Variants in FNDC3A observed in about 807,000 individuals in gnomAD.
FNDC3A encodes fibronectin type-III domain-containing protein 3A.
FNDC3A carries 32 observed loss-of-function variants against 148.9 expected under a neutral mutation model. That is an observed-to-expected ratio of 0.21 (90% confidence interval 0.16 to 0.29). The LOEUF is 0.29. FNDC3A is among the 10% of genes least tolerant of loss of function. The pLI is 1.00. For missense variants in FNDC3A, 1,191 were observed against 1,452.8 expected (o/e 0.82, Z 2.93); for synonymous variants, 472 against 473.6 (o/e 1.00, Z 0.04).
At chr13:48,992,348 A>G (rs930016914) in intron 1 of FNDC3A, among the ~76,000 whole-genome samples, 2 of 152,216 alleles carry the variant, frequency 1.3e-5, no homozygotes, top group African/African-American at 4.8e-5. Flanking sequence ...AAGAGAATAT[A>G]AAAACAAGCC....
intron 4 of FNDC3A, among the ~76,000 whole-genome samples, chr13:49,130,596 C>G (rs565694828): frequency 2.7e-4 from 41 of 152,238 alleles, no homozygotes; most frequent in Admixed American, 1.6e-3. Context: ...TTAGGTTACT[C>G]TTTAGCTTGT....
intron 2 of FNDC3A, among the ~76,000 whole-genome samples, chr13:49,064,804 T>G (rs559179325): frequency 1.3e-5 from 2 of 152,156 alleles, no homozygotes; most frequent in Non-Finnish European, 2.9e-5. Flanking sequence ...ACTGACTAGA[T>G]GACCACATAA....
intron 2 of FNDC3A, among the ~76,000 whole-genome samples, chr13:49,055,435 TAC>T (rs1566218175): frequency 4.6e-5 from 7 of 152,024 alleles, no homozygotes; most frequent in African/African-American, 1.7e-4. Flanking sequence ...GGGAGGGTAA[TAC>T]ATGCCTTATA....
At chr13:49,142,979 G>A (rs1418995845) in intron 7 of FNDC3A, among the ~76,000 whole-genome samples, 1 of 151,966 alleles carries the variant, frequency 6.6e-6, no homozygotes, top group African/African-American at 2.4e-5. Context: ...GTGATTCTTG[G>A]GTCTCAGTCT....
chr13:49,082,254 C>T (rs534225450), intron 3 of FNDC3A, among the ~76,000 whole-genome samples: 8 of 151,964 alleles, frequency 5.3e-5, no homozygotes, highest in East Asian at 1.9e-4. Flanking sequence ...GATGTGGTGG[C>T]GCAAACCTGT....
At chr13:48,989,790 T>C (rs1951877126) in intron 1 of FNDC3A, among the ~76,000 whole-genome samples, 1 of 152,084 alleles carries the variant, frequency 6.6e-6, no homozygotes, top group South Asian at 2.1e-4. Flanking sequence ...TCTCGCTCTT[T>C]TGCCAGGCTA....
At chr13:49,171,969 T>C in intron 10 of FNDC3A, 74 bp from the exon 11 acceptor site, 2 of 1,019,622 alleles carry the variant, frequency 2.0e-6, no homozygotes. Context: ...ACTAGATCCT[T>C]ATATTAGATC....
intron 9 of FNDC3A, 75 bp downstream of exon 9, chr13:49,167,378 A>C: frequency 1.2e-6 from 1 of 808,646 alleles, no homozygotes; most frequent in East Asian, 2.9e-5. Context: ...ATTTTCTTAA[A>C]AATCTAGTAT....
At chr13:48,978,384 C>A (rs1354499902) in intron 1 of FNDC3A, among the ~76,000 whole-genome samples, 2 of 152,078 alleles carry the variant, frequency 1.3e-5, no homozygotes, top group Non-Finnish European at 2.9e-5. Context: ...TATACTTTAT[C>A]AATTTTTAGT....
In FNDC3A at chr13:49,188,647, G is replaced by A. The variant is rs201374809; in HGVS notation, c.1944+14G>A. The A allele has an allele frequency of 8.4e-6, 13 of 1,540,106 alleles. No homozygotes were observed. In the African/African-American group the frequency reaches 1.6e-4, roughly 19 times the overall value. On this transcript the variant is annotated intron_variant, in intron 17 of 25. Coordinates refer to ENST00000492622, the MANE Select transcript of FNDC3A (RefSeq NM_001079673.2). ...GGACAGAGTGCGGTAATACTTATATGTAGATTCTTTTGTGTTGTTATTAAG... is the reference window on the plus strand; with the variant it reads ...GGACAGAGTGCGGTAATACTTATATATAGATTCTTTTGTGTTGTTATTAAG...
At chr13:49,177,461 T>A (rs2138069234) in intron 13 of FNDC3A, among the ~76,000 whole-genome samples, 1 of 152,286 alleles carries the variant, frequency 6.6e-6, no homozygotes, top group South Asian at 2.1e-4. Context: ...TAAATCTATA[T>A]ATAGTTCATA....
chr13:49,175,228 C>G (rs1781150613), intron 12 of FNDC3A, 139 bp from the exon 13 acceptor site: 1 of 529,754 alleles, frequency 1.9e-6, no homozygotes, highest in South Asian at 3.6e-5. Flanking sequence ...ATAAAGAGAT[C>G]AAACCCAAGA....
chr13:49,173,300 T>TTCCGGAAA (rs1234251261), intron 11 of FNDC3A, among the ~76,000 whole-genome samples: 1 of 152,252 alleles, frequency 6.6e-6, no homozygotes, highest in African/African-American at 2.4e-5. Flanking sequence ...GTAGATTTTA[T>TTCCGGAAA]TCCGGAAATT....
At chr13:49,011,844 GCAAT>G (rs1952352129) in intron 2 of FNDC3A, among the ~76,000 whole-genome samples, 1 of 151,888 alleles carries the variant, frequency 6.6e-6, no homozygotes. Flanking sequence ...CTATACTGAG[GCAAT>G]GAAAATATTT....
At chr13:49,037,255 C>G (rs9535134) in intron 2 of FNDC3A, among the ~76,000 whole-genome samples, 1 of 152,206 alleles carries the variant, frequency 6.6e-6, no homozygotes, top group Non-Finnish European at 1.5e-5. Context: ...AGTCACTGTT[C>G]TATGCACTTA....
At chr13:49,100,004 A>G (rs928883676) in intron 3 of FNDC3A, among the ~76,000 whole-genome samples, 7 of 152,118 alleles carry the variant, frequency 4.6e-5, no homozygotes, top group Non-Finnish European at 7.4e-5. Flanking sequence ...AAAAATTAGG[A>G]TGACTATTTG....
intron 1 of FNDC3A, among the ~76,000 whole-genome samples, chr13:49,000,198 G>C (rs553349379): frequency 1.3e-5 from 2 of 152,242 alleles, no homozygotes; most frequent in South Asian, 4.1e-4. Flanking sequence ...TTTTCTTCTA[G>C]AAGTTCTACA....
chr13:49,029,799 G>C (rs1873976211), intron 2 of FNDC3A, among the ~76,000 whole-genome samples: 1 of 152,076 alleles, frequency 6.6e-6, no homozygotes, highest in African/African-American at 2.4e-5. Context: ...AGATCTTACA[G>C]AAATGAAAGG....
chr13:49,058,041 T>C (rs1360299928), intron 2 of FNDC3A, among the ~76,000 whole-genome samples: 1 of 152,092 alleles, frequency 6.6e-6, no homozygotes, highest in Non-Finnish European at 1.5e-5. Context: ...TGAGGTAATA[T>C]GGGTGGGCCC....
Sources: allele counts gnomAD v4.1 joint callset (sites outside exome capture counted in the v4.1 genomes callset), GRCh38; gene constraint gnomAD v4.1.1; transcripts MANE v1.5; gene names NCBI Gene and HGNC (gene_info 2026-07-23, HGNC 2026-07-21).